CSMD1: variants seen among roughly 807,000 people sequenced by gnomAD.
CSMD1 encodes the protein CUB and Sushi multiple domains 1.
In CSMD1, 213 loss-of-function variants were observed where a neutral mutation model predicts 417.5. That is an observed-to-expected ratio of 0.51 (90% CI 0.46 to 0.57). The LOEUF (loss-of-function observed/expected upper bound fraction) is 0.57, where lower values mean the gene tolerates loss of function less well. CSMD1 is among the 20% of genes least tolerant of loss of function. The probability of loss-of-function intolerance (pLI) is 0.00; values close to 1 mark genes in which losing one functional copy is unlikely to be tolerated. For synonymous variants in CSMD1, 2,862 were observed against 1,736.8 expected, an observed-to-expected ratio of 1.65 and a Z score of -16.11; for missense variants, 6,923 against 4,529.7, an observed-to-expected ratio of 1.53 and a Z score of -15.17.
rs867601104 is a variant in CSMD1 at position 4,346,059 on chromosome 8, A to G, written c.415+73894T>C. ...ATCATATCCAGATTGTTCATGGTCC[A>G]TGTGCTGGCATGTGTGAATACGAAA... is the stretch of plus-strand genomic sequence containing the variant. On this transcript the variant is annotated intron_variant, in intron 3 of 69. Coordinates refer to ENST00000635120, the MANE Select transcript of CSMD1 (RefSeq NM_033225.6). Among the ~76,000 whole-genome samples the G allele has an allele frequency of 4.7e-4, 71 of 152,278 alleles. No individual in the cohort carries two copies. The Middle Eastern group carries it at 0.031, about 66-fold the overall frequency.
rs75042978 is a variant in CSMD1 at position 3,119,368 on chromosome 8, T to A, written c.6242-781A>T. Among the ~76,000 whole-genome samples the A allele has an allele frequency of 3.6e-3, 514 of 142,266 alleles. 12 individuals are homozygous for A. The East Asian group carries it at 0.052, about 14-fold the overall frequency. 93.3% of individuals were successfully genotyped at this position (142,266 alleles called of 152,430 possible). A position where few individuals can be genotyped will look rare whatever the true frequency, so the allele number is the denominator to read the frequency against. ...ATATAACAGGAAAATCCATTGCAGT[T>A]TTTTTAGTCTTTTTCTAAAAAAAAA... On this transcript the variant is annotated intron_variant, in intron 41 of 69. Coordinates refer to ENST00000635120, the MANE Select transcript of CSMD1 (RefSeq NM_033225.6).
At chr8:4,156,259 A>T (rs548454000) in intron 3 of CSMD1, among the ~76,000 whole-genome samples, 1 of 152,208 alleles carries the variant, frequency 6.6e-6, no homozygotes, top group South Asian at 2.1e-4. Context: ...CTAACTTTTT[A>T]ATTATGGCTA....
chr8:3,822,216 C>A (rs1473015670), intron 5 of CSMD1, among the ~76,000 whole-genome samples: 1 of 152,184 alleles, frequency 6.6e-6, no homozygotes, highest in Admixed American at 6.5e-5. Flanking sequence ...ACTAGACACT[C>A]TGCCATGTGC....
chr8:4,871,169 G>C (rs1314710345), intron 1 of CSMD1, among the ~76,000 whole-genome samples: 6 of 152,118 alleles, frequency 3.9e-5, no homozygotes, highest in Non-Finnish European at 7.3e-5. Context: ...AAGTAGCATG[G>C]GATTCATCAT....
chr8:4,627,329 C>CA (rs1447892213), intron 2 of CSMD1, among the ~76,000 whole-genome samples: 5 of 152,082 alleles, frequency 3.3e-5, no homozygotes, highest in Non-Finnish European at 5.9e-5. Context: ...ACATAAAGCT[C>CA]ATTTAAAATC....
intron 7 of CSMD1, among the ~76,000 whole-genome samples, chr8:3,668,051 G>A (rs560365029): frequency 6.6e-6 from 1 of 152,160 alleles, no homozygotes; most frequent in Non-Finnish European, 1.5e-5. Flanking sequence ...TCCCAAGGAT[G>A]AGCCTTGCTC....
At chr8:4,671,879 G>A (rs574476803) in intron 1 of CSMD1, among the ~76,000 whole-genome samples, 83 of 152,234 alleles carry the variant, frequency 5.5e-4, no homozygotes, top group African/African-American at 1.8e-3. Flanking sequence ...TTAAAAACGA[G>A]AAGATAGAAA....
At chr8:4,541,957 T>G (rs1797407197) in intron 2 of CSMD1, among the ~76,000 whole-genome samples, 1 of 152,174 alleles carries the variant, frequency 6.6e-6, no homozygotes, top group Non-Finnish European at 1.5e-5. Context: ...AATTTCCAGA[T>G]GAGGCCTGAC....
chr8:3,658,598 C>G (rs1038397640), intron 7 of CSMD1, among the ~76,000 whole-genome samples: 1 of 151,860 alleles, frequency 6.6e-6, no homozygotes, highest in African/African-American at 2.4e-5. Context: ...GCTTGGCCAA[C>G]ATGACAAAAC....
chr8:3,530,802 T>G (rs1314608676), intron 10 of CSMD1, among the ~76,000 whole-genome samples: 1 of 151,852 alleles, frequency 6.6e-6, no homozygotes, highest in African/African-American at 2.4e-5. Flanking sequence ...GTGCTACTAT[T>G]ACAGGCATGA....
At chr8:3,522,159 A>G (rs989107955) in intron 10 of CSMD1, among the ~76,000 whole-genome samples, 1 of 152,206 alleles carries the variant, frequency 6.6e-6, no homozygotes. Flanking sequence ...AAGTCAAATT[A>G]TTCGAAGTGT....
chr8:4,085,794 A>G (rs1800387669), intron 3 of CSMD1, among the ~76,000 whole-genome samples: 2 of 152,210 alleles, frequency 1.3e-5, no homozygotes, highest in African/African-American at 4.8e-5. Flanking sequence ...TATGTTTATC[A>G]TAAAGACACC....
intron 3 of CSMD1, among the ~76,000 whole-genome samples, chr8:4,402,266 C>G (rs1014979699): frequency 6.6e-6 from 1 of 152,068 alleles, no homozygotes; most frequent in South Asian, 2.1e-4. Flanking sequence ...AACTGCAAAT[C>G]CAATTATCAT....
At chr8:4,507,340 C>G (rs924502004) in intron 2 of CSMD1, among the ~76,000 whole-genome samples, 8 of 152,202 alleles carry the variant, frequency 5.3e-5, no homozygotes, top group African/African-American at 1.9e-4. Flanking sequence ...TTAACGCCAC[C>G]CTAATCTGTT....
At chr8:3,336,458 ATG>A (rs1274844663) in intron 23 of CSMD1, among the ~76,000 whole-genome samples, 26 of 152,204 alleles carry the variant, frequency 1.7e-4, no homozygotes, top group African/African-American at 6.0e-4. Context: ...GCCATTTCAT[ATG>A]TGTTTTCTAC....
chr8:4,691,826 G>A (rs148322666), intron 1 of CSMD1, among the ~76,000 whole-genome samples: 1,604 of 152,302 alleles, frequency 0.011, 12 homozygotes, highest in Non-Finnish European at 0.016. Context: ...AGATAAAGTC[G>A]AAGAGGTTTT....
chr8:4,730,993 CTA>C (rs1032063837), intron 1 of CSMD1, among the ~76,000 whole-genome samples: 7 of 152,036 alleles, frequency 4.6e-5, no homozygotes, highest in African/African-American at 1.7e-4. Flanking sequence ...CTTGGGAGTT[CTA>C]TGTCATGGTT....
chr8:2,964,592 A>G (rs1803791937), intron 59 of CSMD1, among the ~76,000 whole-genome samples: 1 of 152,270 alleles, frequency 6.6e-6, no homozygotes, highest in Non-Finnish European at 1.5e-5. Context: ...CCACAGAATT[A>G]TGCATGAAGC....
intron 3 of CSMD1, among the ~76,000 whole-genome samples, chr8:4,178,911 C>T (rs964656130): frequency 3.9e-5 from 6 of 152,122 alleles, no homozygotes; most frequent in Non-Finnish European, 5.9e-5. Flanking sequence ...CAAACCACTG[C>T]TCAATGAAAT....
Sources: gnomAD v4.1 joint callset for allele counts (sites outside exome capture counted in the v4.1 genomes callset) on GRCh38, gnomAD v4.1.1 for gene constraint, MANE v1.5 for transcripts, NCBI Gene and HGNC (gene_info 2026-07-23, HGNC 2026-07-21) for gene names.